Variants in TFDP2 observed in about 807,000 individuals in gnomAD.
TFDP2 encodes the protein transcription factor Dp-2 (E2F dimerization partner 2).
Under a neutral mutation model 59.3 loss-of-function variants are expected in TFDP2, and 17 were observed. The ratio of observed to expected loss-of-function variants is 0.29; its 90% CI spans 0.20 to 0.43. The LOEUF (loss-of-function observed/expected upper bound fraction) is 0.43. Ranked by LOEUF, TFDP2 falls within the 20% of genes least tolerant of loss-of-function variation. TFDP2 has a pLI of 1.00. For missense variants in TFDP2, 391 were observed against 528.8 expected (o/e 0.74, Z 2.56); for synonymous variants, 180 against 194.7 (o/e 0.92, Z 0.63).
At chr3:142,130,537 C>T (rs1349686840) in intron 1 of TFDP2, among the ~76,000 whole-genome samples, 1 of 151,128 alleles carries the variant, frequency 6.6e-6, no homozygotes, top group Non-Finnish European at 1.5e-5. Context: ...ATGTGCACAA[C>T]GTGCAGGTTT....
chr3:142,084,399 T>C (rs1034460082), intron 3 of TFDP2, among the ~76,000 whole-genome samples: 1 of 152,152 alleles, frequency 6.6e-6, no homozygotes, highest in Admixed American at 6.5e-5. Flanking sequence ...TAGTACACTA[T>C]GGAGAACAGT....
intron 1 of TFDP2, among the ~76,000 whole-genome samples, chr3:142,148,398 C>T (rs1373063580): frequency 6.6e-6 from 1 of 152,146 alleles, no homozygotes. Context: ...AAACCAGCAT[C>T]CATGGCAGTC....
chr3:142,119,403 A>C (rs2061959575), intron 1 of TFDP2, among the ~76,000 whole-genome samples: 1 of 152,212 alleles, frequency 6.6e-6, no homozygotes, highest in South Asian at 2.1e-4. Context: ...AAGCAAGACA[A>C]CAGTAGAACA....
intron 3 of TFDP2, among the ~76,000 whole-genome samples, chr3:142,035,821 T>A (rs1478675320): frequency 6.6e-6 from 1 of 152,248 alleles, no homozygotes; most frequent in African/African-American, 2.4e-5. Context: ...GACTTGCTCC[T>A]TCTTGCCTTC....
intron 1 of TFDP2, among the ~76,000 whole-genome samples, chr3:142,138,581 T>A (rs192187463): frequency 6.6e-6 from 1 of 152,334 alleles, no homozygotes; most frequent in Admixed American, 6.5e-5. Context: ...TTTGTTCTCA[T>A]TGGTTTCAAA....
At chr3:142,011,749 A>AT (rs1294482903) in intron 3 of TFDP2, among the ~76,000 whole-genome samples, 5 of 152,188 alleles carry the variant, frequency 3.3e-5, no homozygotes, top group Admixed American at 3.3e-4. Context: ...AAACAGGCAC[A>AT]TTTTAAAAGT....
chr3:142,056,094 C>G (rs1357437028), intron 3 of TFDP2, among the ~76,000 whole-genome samples: 1 of 151,606 alleles, frequency 6.6e-6, no homozygotes, highest in Admixed American at 6.6e-5. Flanking sequence ...GCTGGGATTA[C>G]AGGTACGCGC....
chr3:142,047,994 G>A (rs762421910), intron 3 of TFDP2, among the ~76,000 whole-genome samples: 1 of 152,044 alleles, frequency 6.6e-6, no homozygotes, highest in African/African-American at 2.4e-5. Flanking sequence ...CACACACCTC[G>A]GCCTCCCAAA....
At chr3:141,971,214 C>G (rs771734693) in intron 8 of TFDP2, among the ~76,000 whole-genome samples, 1 of 151,400 alleles carries the variant, frequency 6.6e-6, no homozygotes, top group Non-Finnish European at 1.5e-5. Flanking sequence ...TGGGCAAAAG[C>G]CAATGACATT....
chr3:141,986,879 C>T (rs1329173963), intron 6 of TFDP2, among the ~76,000 whole-genome samples: 1 of 152,062 alleles, frequency 6.6e-6, no homozygotes, highest in Non-Finnish European at 1.5e-5. Flanking sequence ...TTTTCATTTG[C>T]ATTTTTCTAA....
chr3:141,959,435 T>C (rs1256896969), intron 11 of TFDP2, among the ~76,000 whole-genome samples: 1 of 152,132 alleles, frequency 6.6e-6, no homozygotes, highest in Non-Finnish European at 1.5e-5. Context: ...CAGTGCTGAG[T>C]GAGCCAATTT....
At chr3:142,057,144 G>A (rs138898443) in intron 3 of TFDP2, among the ~76,000 whole-genome samples, 2 of 152,200 alleles carry the variant, frequency 1.3e-5, no homozygotes, top group African/African-American at 4.8e-5. Context: ...AGGGACCACA[G>A]CTGGGACTGT....
intron 3 of TFDP2, among the ~76,000 whole-genome samples, chr3:142,065,137 G>GTT (rs1005755867): frequency 1.5e-5 from 2 of 134,938 alleles, no homozygotes; most frequent in African/African-American, 5.8e-5. Flanking sequence ...ATGGAATTCT[G>GTT]TTTTCAGATC....
chr3:142,005,303 T>C, intron 4 of TFDP2, 138 bp downstream of exon 4: 1 of 604,328 alleles, frequency 1.7e-6, no homozygotes, highest in Middle Eastern at 5.0e-4. Flanking sequence ...CCTCCCAAAG[T>C]GTTGGGATTA....
chr3:142,105,473 T>C lies in TFDP2; in HGVS notation c.-92-3632A>G, dbSNP rs189138131. Among the ~76,000 whole-genome samples, 5 of 152,220 alleles carry C rather than the reference T, an allele frequency of 3.3e-5. No homozygotes were observed. In the East Asian group the frequency reaches 9.7e-4, roughly 29 times the overall value. ...GTGTCCTTTTTCCCCACCCTTTGTGTTTTTTTGTGCCCAGAGCATAGTTGT... is the reference window on the plus strand; with the variant it reads ...GTGTCCTTTTTCCCCACCCTTTGTGCTTTTTTGTGCCCAGAGCATAGTTGT... On this transcript the variant is annotated intron_variant, in intron 1 of 12. Coordinates refer to ENST00000489671, the MANE Select transcript of TFDP2 (RefSeq NM_001178139.2).
In TFDP2 at chr3:141,951,871, T is replaced by C. The variant is rs1935973715; in HGVS notation, c.*642A>G. 1 of 152,652 alleles carries C rather than the reference T, an allele frequency of 6.6e-6. No homozygotes were observed. The highest frequency in any genetic ancestry group is 6.5e-5 in the Admixed American group (1 of 15,268). The allele number at this position is 152,652 out of a possible 1,614,324, so 9.5% of individuals were successfully genotyped here. A position where few individuals can be genotyped will look rare whatever the true frequency, so the allele number is the denominator to read the frequency against. ...TGGCTAATAATAATTTCAGTTTTAC[T>C]ATAAATTATCTAAATGTCACTTAAG... On this transcript the variant is annotated 3_prime_UTR_variant, in exon 13 of 13. Transcript: ENST00000489671.
At chr3:142,123,414 G>T (rs527424606) in intron 1 of TFDP2, among the ~76,000 whole-genome samples, 1 of 152,164 alleles carries the variant, frequency 6.6e-6, no homozygotes, top group Non-Finnish European at 1.5e-5. Flanking sequence ...GATTAGAGGC[G>T]TGAGCCATCG....
intron 4 of TFDP2, among the ~76,000 whole-genome samples, chr3:142,001,401 C>T (rs1470725597): frequency 2.0e-5 from 3 of 152,196 alleles, no homozygotes; most frequent in Non-Finnish European, 4.4e-5. Context: ...GTTTCATTAG[C>T]GCCTGAAGCC....
intron 3 of TFDP2, among the ~76,000 whole-genome samples, chr3:142,068,308 C>G (rs908852496): frequency 6.6e-6 from 1 of 151,954 alleles, no homozygotes; most frequent in Admixed American, 6.6e-5. Flanking sequence ...ACATAAAATA[C>G]AAAACTATAA....
Sources: gnomAD v4.1 joint callset for allele counts (sites outside exome capture counted in the v4.1 genomes callset) on GRCh38, gnomAD v4.1.1 for gene constraint, MANE v1.5 for transcripts, NCBI Gene and HGNC (gene_info 2026-07-23, HGNC 2026-07-21) for gene names.